ERCC8: variants seen among roughly 807,000 people sequenced by gnomAD.
ERCC8 encodes the protein ERCC excision repair 8, CSA ubiquitin ligase complex subunit.
In ERCC8, 52 loss-of-function variants were observed where a neutral mutation model predicts 54.9. That is an observed-to-expected ratio of 0.95 (90% CI 0.76 to 1.19). ERCC8 has a LOEUF of 1.19. ERCC8 is among the 50% of genes most tolerant of loss of function. The pLI is 0.00. For synonymous variants in ERCC8, 146 were observed against 157.2 expected (o/e 0.93, Z 0.53); for missense variants, 514 against 466.1 (o/e 1.10, Z -0.95).
chr5:60,936,128 T>C (rs954924863), intron 1 of ERCC8, among the ~76,000 whole-genome samples: 3 of 152,238 alleles, frequency 2.0e-5, no homozygotes, highest in Admixed American at 6.5e-5. Context: ...ATGTCTGATA[T>C]AATTCAGCTG....
intron 1 of ERCC8, among the ~76,000 whole-genome samples, chr5:60,937,773 C>T (rs553269183): frequency 3.4e-4 from 52 of 152,224 alleles, no homozygotes; most frequent in African/African-American, 1.0e-3. Context: ...GTGCCTGCAG[C>T]GGCAATCCAC....
intron 9 of ERCC8, chr5:60,892,194 G>A (rs2112478165): frequency 3.8e-6 from 2 of 525,732 alleles, no homozygotes; most frequent in South Asian, 1.5e-5. Context: ...ATCTGATGAC[G>A]ATTCGGATTG....
chr5:60,884,699 T>C (rs1359402922), intron 11 of ERCC8, among the ~76,000 whole-genome samples: 2 of 152,032 alleles, frequency 1.3e-5, no homozygotes, highest in Admixed American at 1.3e-4. Flanking sequence ...ATCTGCATCA[T>C]GATCACATTC....
intron 4 of ERCC8, chr5:60,909,961 G>GA (rs768280897): frequency 4.1e-4 from 52 of 125,398 alleles, no homozygotes; most frequent in East Asian, 6.6e-4. Context: ...ACTCCGTCTA[G>GA]AAAAAAAAAA....
In ERCC8 at chr5:60,871,624, T is replaced by C. The variant is rs2112448492; in HGVS notation, c.*2991A>G. Among the ~76,000 whole-genome samples the C allele has an allele frequency of 6.6e-6, 1 of 152,324 alleles. No homozygotes were observed. The highest frequency in any genetic ancestry group is 1.5e-5 in the Non-Finnish European group (1 of 68,024). On this transcript the variant is annotated 3_prime_UTR_variant, in exon 12 of 12. Transcript: ENST00000676185. ...ATGAAAATGTTAGTGGTGGTTACCT[T>C]ATGGTATTATAATTCCAGGTGACCA...
At chr5:60,901,855 A>G (rs1268078610) in intron 7 of ERCC8, among the ~76,000 whole-genome samples, 1 of 151,932 alleles carries the variant, frequency 6.6e-6, no homozygotes, top group Non-Finnish European at 1.5e-5. Context: ...ACCTCCCCAC[A>G]TCTTTTGATC....
At chr5:60,927,569 A>G (rs1056594510) in intron 2 of ERCC8, among the ~76,000 whole-genome samples, 3 of 152,090 alleles carry the variant, frequency 2.0e-5, no homozygotes, top group African/African-American at 4.8e-5. Context: ...TTTCTCACCA[A>G]CTCTGCCAAC....
chr5:60,899,697 C>T lies in ERCC8; in HGVS notation c.648G>A (p.Val216=), dbSNP rs1450452119. The T allele has an allele frequency of 2.5e-6, 4 of 1,612,132 alleles. No homozygotes were observed. In the South Asian group the frequency reaches 3.3e-5, roughly 13 times the overall value. ...TAATCAAACATCCTGATGCTCTTCT[C>T]ACATCCCATAATTTTACTCTACTGT... ...SADSRVKLWD[V]RRASGCLITL... Residue 216 remains valine (V), a synonymous_variant, in exon 8 of 12, where the codon GTG becomes GTA. Coordinates refer to ENST00000676185, the MANE Select transcript of ERCC8 (RefSeq NM_000082.4).
In ERCC8 at chr5:60,878,500, C is replaced by G. The variant is rs1020963302; in HGVS notation, c.1123-3817G>C. Among the ~76,000 whole-genome samples the G allele has an allele frequency of 5.3e-5, 8 of 152,296 alleles. No homozygotes were observed. In the East Asian group the frequency reaches 1.4e-3, roughly 26 times the overall value. ...AATTCGGCTGTCAATCCATCTGGTC[C>G]TGGACTTTTTTTGGTTGGTAAGCTA... On this transcript the variant is annotated intron_variant, in intron 11 of 11. Transcript: ENST00000676185.
chr5:60,934,731 GA>G (rs1162453034), intron 1 of ERCC8, among the ~76,000 whole-genome samples: 2 of 152,164 alleles, frequency 1.3e-5, no homozygotes, highest in Non-Finnish European at 2.9e-5. Context: ...ATCTTGAGTT[GA>G]TTTTTGTAGA....
intron 9 of ERCC8, among the ~76,000 whole-genome samples, chr5:60,891,444 C>T (rs924316510): frequency 6.6e-6 from 1 of 152,008 alleles, no homozygotes; most frequent in African/African-American, 2.4e-5. Context: ...TTTGGCTATT[C>T]TTTCTAAAAG....
At chr5:60,942,374 G>C (rs1274688135) in intron 1 of ERCC8, among the ~76,000 whole-genome samples, 1 of 152,094 alleles carries the variant, frequency 6.6e-6, no homozygotes, top group Non-Finnish European at 1.5e-5. Context: ...AGCTGTAAAT[G>C]TATTAGTCCT....
chr5:60,891,019 C>T lies in ERCC8; in HGVS notation c.911G>A (p.Ser304Asn), dbSNP rs201642761. 6.7e-5 allele frequency: 108 copies of T among 1,613,404 alleles called. No homozygotes were observed. The highest frequency in any genetic ancestry group is 9.2e-5 in the Non-Finnish European group (108 of 1,179,746). The change falls in exon 10 of 12, where the codon AGT becomes AAT. Residue 304 changes from serine (S) to asparagine (N), a missense_variant. Physicochemically the swap from Ser to Asn is conservative, Grantham distance 46 (BLOSUM62 1). Coordinates refer to ENST00000676185, the MANE Select transcript of ERCC8 (RefSeq NM_000082.4). ...ATATGGTACAAAAACAAATTCTGAA[C>T]TGCAGCCACAGGAGACAGTGAATTT... is the stretch of plus-strand genomic sequence containing the variant. ...GLKFTVSCGC[S>N]SEFVFVPYGS...
intron 1 of ERCC8, among the ~76,000 whole-genome samples, chr5:60,931,691 CAT>C (rs1749913030): frequency 6.6e-6 from 1 of 151,746 alleles, no homozygotes. Context: ...CTTTTTTTTT[CAT>C]ATTTTTCCAT....
At chr5:60,942,978 T>A (rs568016247) in intron 1 of ERCC8, among the ~76,000 whole-genome samples, 4 of 152,282 alleles carry the variant, frequency 2.6e-5, no homozygotes, top group South Asian at 2.1e-4. Context: ...GAAATATTTT[T>A]AAAAAAATTT....
chr5:60,883,503 A>C (rs1748307781), intron 11 of ERCC8, among the ~76,000 whole-genome samples: 1 of 152,236 alleles, frequency 6.6e-6, no homozygotes, highest in African/African-American at 2.4e-5. Flanking sequence ...TCAATGTTAT[A>C]GAAATAATGA....
At chr5:60,914,267 G>A (rs1186897014) in intron 4 of ERCC8, among the ~76,000 whole-genome samples, 1 of 151,986 alleles carries the variant, frequency 6.6e-6, no homozygotes, top group Non-Finnish European at 1.5e-5. Context: ...TATGAATCTG[G>A]GTGCTCCTCT....
At chr5:60,876,032 C>T (rs1206433881) in intron 11 of ERCC8, among the ~76,000 whole-genome samples, 2 of 152,000 alleles carry the variant, frequency 1.3e-5, no homozygotes, top group Non-Finnish European at 2.9e-5. Context: ...TCCCCCCTAC[C>T]CCCACCCCAC....
At chr5:60,938,762 A>G (rs138171418) in intron 1 of ERCC8, among the ~76,000 whole-genome samples, 1 of 152,230 alleles carries the variant, frequency 6.6e-6, no homozygotes, top group East Asian at 1.9e-4. Flanking sequence ...TCATGTATCT[A>G]CTAAATCTAG....
Sources: allele counts gnomAD v4.1 joint callset (sites outside exome capture counted in the v4.1 genomes callset), GRCh38; gene constraint gnomAD v4.1.1; transcripts MANE v1.5; gene names NCBI Gene and HGNC (gene_info 2026-07-23, HGNC 2026-07-21).